ARHGEF37: variants seen among roughly 807,000 people sequenced by gnomAD.
The protein encoded by ARHGEF37 is Rho guanine nucleotide exchange factor (GEF) 37.
ARHGEF37 carries 55 observed loss-of-function variants against 71.1 expected under a neutral mutation model. The observed-to-expected ratio is 0.77, with a 90% CI of 0.62 to 0.97. The LOEUF (loss-of-function observed/expected upper bound fraction) is 0.97. Among genes scored for constraint, ARHGEF37 ranks in the 50% least tolerant of loss-of-function variants. The pLI, the probability that ARHGEF37 is intolerant of heterozygous loss-of-function variation, is 0.00. For synonymous variants in ARHGEF37, 327 were observed against 350.6 expected (o/e 0.93, Z 0.75); for missense variants, 765 against 836.8 (o/e 0.91, Z 1.06).
At chr5:149,620,595 C>T (rs1229396620) in intron 8 of ARHGEF37, 131 bp downstream of exon 8, 15 of 603,396 alleles carry the variant, frequency 2.5e-5, no homozygotes, top group African/African-American at 3.9e-5. Flanking sequence ...TTTGGGAGGC[C>T]GAGGCAGGCA....
Position 149,621,819 on chromosome 5 carries a change from T to TCTGGACAAGCTA in ARHGEF37, c.1099_1110dup (p.Lys367_Asp370dup). ...GCCCTCAGAACCTGATCAAGAAGCG[T>TCTGGACAAGCTA]CTGGACAAGCTACTGGACTTTGAGC... On this transcript the variant is annotated inframe_insertion, in exon 9 of 13. Coordinates refer to ENST00000333677, the MANE Select transcript of ARHGEF37 (RefSeq NM_001001669.3). 2 of 1,614,132 alleles carry TCTGGACAAGCTA rather than the reference T, an allele frequency of 1.2e-6. No individual in the cohort carries two copies. Among genetic ancestry groups the TCTGGACAAGCTA allele is most frequent in the Non-Finnish European group, 1.7e-6 (2 of 1,180,022 alleles).
intron 1 of ARHGEF37, among the ~76,000 whole-genome samples, chr5:149,571,919 A>AAAG (rs1438336461): frequency 1.3e-5 from 2 of 151,032 alleles, no homozygotes; most frequent in Non-Finnish European, 1.5e-5. Context: ...AAAAAAAAAA[A>AAAG]AAAAAAAGAA....
At chr5:149,586,512 C>T (rs1415064795) in intron 1 of ARHGEF37, among the ~76,000 whole-genome samples, 1 of 152,240 alleles carries the variant, frequency 6.6e-6, no homozygotes, top group African/African-American at 2.4e-5. Flanking sequence ...ATCCACCTGC[C>T]TCGGCCTCCC....
At chr5:149,553,997 G>A (rs769345023) in intron 1 of ARHGEF37, among the ~76,000 whole-genome samples, 6 of 151,996 alleles carry the variant, frequency 3.9e-5, no homozygotes, top group Admixed American at 1.3e-4. Flanking sequence ...GTGAAACCCT[G>A]TCTCTACTAA....
chr5:149,576,834 T>C (rs146462587), upstream of ARHGEF37, among the ~76,000 whole-genome samples: 590 of 152,214 alleles, frequency 3.9e-3, 6 homozygotes, highest in African/African-American at 0.013. Flanking sequence ...TGTACAACTA[T>C]AATCCCAGCT....
chr5:149,630,651 G>A (rs989652670), intron 12 of ARHGEF37, among the ~76,000 whole-genome samples: 4 of 152,252 alleles, frequency 2.6e-5, no homozygotes, highest in East Asian at 3.9e-4. Context: ...CCTCTGCCCC[G>A]GTGCCTCTGG....
intron 1 of ARHGEF37, among the ~76,000 whole-genome samples, chr5:149,573,333 T>A (rs919496951): frequency 6.6e-6 from 1 of 152,214 alleles, no homozygotes; most frequent in African/African-American, 2.4e-5. Flanking sequence ...CCAAGTCTCA[T>A]AATCACATTA....
At chr5:149,580,052 C>T (rs1763078755), upstream of ARHGEF37, among the ~76,000 whole-genome samples, 1 of 151,984 alleles carries the variant, frequency 6.6e-6, no homozygotes, top group Non-Finnish European at 1.5e-5. Flanking sequence ...GCTTCCCTTG[C>T]TTTTCTTTTT....
chr5:149,583,425 T>C (rs56031520), intron 1 of ARHGEF37, among the ~76,000 whole-genome samples: 38,953 of 152,136 alleles, frequency 0.26, 5,414 homozygotes, highest in Admixed American at 0.41. Context: ...CGTGAGCCAC[T>C]GTGCCTGGCC....
intron 1 of ARHGEF37, among the ~76,000 whole-genome samples, chr5:149,575,016 C>G (rs1419494325): frequency 6.6e-6 from 1 of 152,182 alleles, no homozygotes; most frequent in Non-Finnish European, 1.5e-5. Flanking sequence ...TTATGCTGTT[C>G]TCATTCTTCA....
intron 11 of ARHGEF37, among the ~76,000 whole-genome samples, chr5:149,627,856 G>A (rs904875004): frequency 1.8e-4 from 27 of 152,096 alleles, no homozygotes; most frequent in African/African-American, 6.0e-4. Flanking sequence ...ACAATATGAG[G>A]GGTGCCTGAG....
intron 3 of ARHGEF37, among the ~76,000 whole-genome samples, chr5:149,607,462 T>C (rs1253039752): frequency 6.6e-6 from 1 of 152,204 alleles, no homozygotes; most frequent in Non-Finnish European, 1.5e-5. Context: ...CCCACCATTT[T>C]CTAACTCTTT....
chr5:149,603,678 A>G (rs1274905533), intron 3 of ARHGEF37, among the ~76,000 whole-genome samples: 2 of 152,200 alleles, frequency 1.3e-5, no homozygotes, highest in Non-Finnish European at 2.9e-5. Flanking sequence ...ACTCATCCCT[A>G]TAATCCCAGC....
At chr5:149,581,959 A>G (rs1763119565) in intron 1 of ARHGEF37, among the ~76,000 whole-genome samples, 1 of 152,240 alleles carries the variant, frequency 6.6e-6, no homozygotes, top group Non-Finnish European at 1.5e-5. Flanking sequence ...GAAAGAATGC[A>G]TACATTATAA....
At position 149,628,957 on chromosome 5, in the gene ARHGEF37, C is replaced by G; in HGVS notation, c.1809C>G (p.Thr603=). Residue 603 remains threonine, a synonymous_variant, in exon 12 of 13, where the codon ACC becomes ACG. Coordinates refer to ENST00000333677, the MANE Select transcript of ARHGEF37 (RefSeq NM_001001669.3). Reference sequence around the variant, plus strand: ...CAGCTCTAGTGCCCTCTATTCCCACCATGAACCAGGTGAGTATAGGAGAGG... The same window carrying G: ...CAGCTCTAGTGCCCTCTATTCCCACGATGAACCAGGTGAGTATAGGAGAGG... ...PSPALVPSIP[T]MNQVIAAYPF... is the part of the protein sequence containing the mutation. 1 of 1,612,378 alleles carries G rather than the reference C, an allele frequency of 6.2e-7. No individual in the cohort carries two copies. The highest frequency in any genetic ancestry group is 8.5e-7 in the Non-Finnish European group (1 of 1,179,820).
At chr5:149,597,732 G>C in intron 1 of ARHGEF37, 27 bp from the exon 2 acceptor site, 1 of 1,506,104 alleles carries the variant, frequency 6.6e-7, no homozygotes, top group Admixed American at 2.4e-5. Context: ...TCCTGGAAGT[G>C]AGTGGGGATG....
intron 1 of ARHGEF37, among the ~76,000 whole-genome samples, chr5:149,557,478 G>GTTTA (rs1018299357): frequency 8.6e-5 from 13 of 150,432 alleles, no homozygotes; most frequent in South Asian, 4.2e-4. Context: ...TTGTTTGTTT[G>GTTTA]TTTATTTATT....
chr5:149,558,656 A>G (rs1374366995), intron 1 of ARHGEF37, among the ~76,000 whole-genome samples: 4 of 151,678 alleles, frequency 2.6e-5, no homozygotes, highest in Non-Finnish European at 5.9e-5. Flanking sequence ...GTGCCCAACC[A>G]GACAACCCAA....
At chr5:149,615,981 G>C (rs913967190) in intron 4 of ARHGEF37, among the ~76,000 whole-genome samples, 60 of 152,206 alleles carry the variant, frequency 3.9e-4, no homozygotes, top group African/African-American at 1.3e-3. Flanking sequence ...ACACAACACA[G>C]AGTTGAGCTG....
Sources: gnomAD v4.1 joint callset for allele counts (sites outside exome capture counted in the v4.1 genomes callset) on GRCh38, gnomAD v4.1.1 for gene constraint, MANE v1.5 for transcripts, NCBI Gene and HGNC (gene_info 2026-07-23, HGNC 2026-07-21) for gene names.